SEC11A: variants seen among roughly 807,000 people sequenced by gnomAD.
The protein encoded by SEC11A is SEC11 homolog A, signal peptidase complex subunit, also known as signal peptidase complex catalytic subunit SEC11A.
A neutral mutation model predicts 25.6 loss-of-function variants in SEC11A; 14 were observed. The ratio of observed to expected loss-of-function variants is 0.55; its 90% CI spans 0.36 to 0.85. The LOEUF is 0.85. Ranked by LOEUF, SEC11A falls within the 40% of genes least tolerant of loss-of-function variation. SEC11A has a pLI of 0.01. For synonymous variants in SEC11A, 83 were observed against 76.4 expected (o/e 1.09, Z -0.45); for missense variants, 153 against 222.9 (o/e 0.69, Z 2.00).
intron 1 of SEC11A, among the ~76,000 whole-genome samples, chr15:84,710,906 T>C: frequency 6.6e-6 from 1 of 151,490 alleles, no homozygotes. Flanking sequence ...ACCCCGTCTC[T>C]ACTAAAAATA....
chr15:84,692,607 G>A (rs991202241), intron 1 of SEC11A, among the ~76,000 whole-genome samples: 17 of 151,928 alleles, frequency 1.1e-4, no homozygotes, highest in Non-Finnish European at 2.4e-4. Flanking sequence ...CAGAACACGT[G>A]GAAAAAGGCA....
chr15:84,715,348 A>C (rs1213163077), intron 1 of SEC11A, among the ~76,000 whole-genome samples: 1 of 152,222 alleles, frequency 6.6e-6, no homozygotes, highest in Non-Finnish European at 1.5e-5. Flanking sequence ...TACGATCTAG[A>C]AGATCAAAGT....
chr15:84,715,266 G>A (rs1898423571), intron 1 of SEC11A, among the ~76,000 whole-genome samples: 1 of 152,104 alleles, frequency 6.6e-6, no homozygotes, highest in Admixed American at 6.5e-5. Context: ...CACACTAGGC[G>A]CAAAAGATAA....
intron 1 of SEC11A, among the ~76,000 whole-genome samples, chr15:84,693,268 G>A (rs1401099411): frequency 4.6e-5 from 7 of 151,624 alleles, no homozygotes; most frequent in Non-Finnish European, 8.8e-5. Flanking sequence ...CAAATGTAAC[G>A]CACAAACTTT....
intron 3 of SEC11A, among the ~76,000 whole-genome samples, chr15:84,684,026 A>G (rs762334039): frequency 2.0e-5 from 3 of 152,198 alleles, no homozygotes; most frequent in Non-Finnish European, 4.4e-5. Flanking sequence ...GGAAATAACC[A>G]CTTTACAGAT....
intron 3 of SEC11A, among the ~76,000 whole-genome samples, chr15:84,683,869 G>A (rs909770349): frequency 1.3e-5 from 2 of 152,118 alleles, no homozygotes; most frequent in African/African-American, 4.8e-5. Flanking sequence ...ACAAGTCATA[G>A]GCTCAAAATA....
chr15:84,688,095 T>C (rs1298073458), intron 2 of SEC11A, among the ~76,000 whole-genome samples: 4 of 152,190 alleles, frequency 2.6e-5, no homozygotes, highest in African/African-American at 4.8e-5. Context: ...AAACAGAATA[T>C]AAAAGAATGA....
intron 1 of SEC11A, among the ~76,000 whole-genome samples, chr15:84,698,476 C>T (rs1897829501): frequency 6.6e-6 from 1 of 152,136 alleles, no homozygotes; most frequent in Non-Finnish European, 1.5e-5. Flanking sequence ...AGAAGGTATA[C>T]TGATAGCAGC....
chr15:84,679,542 G>A (rs1192828809), intron 4 of SEC11A, among the ~76,000 whole-genome samples: 1 of 152,172 alleles, frequency 6.6e-6, no homozygotes, highest in South Asian at 2.1e-4. Flanking sequence ...TAATAACTCT[G>A]TATCCATACA....
intron 4 of SEC11A, chr15:84,679,207 G>A (rs746574551): frequency 2.3e-5 from 24 of 1,047,680 alleles, no homozygotes; most frequent in Non-Finnish European, 3.1e-5. Flanking sequence ...CAAAGAGATT[G>A]GAGAGTTTAA....
chr15:84,679,297 A>T, intron 4 of SEC11A: 13 of 1,226,956 alleles, frequency 1.1e-5, no homozygotes, highest in Non-Finnish European at 1.4e-5. Context: ...CCTAATTTGG[A>T]TTATAAAAGT....
chr15:84,683,606 G>A (rs1897335299), intron 3 of SEC11A, among the ~76,000 whole-genome samples: 1 of 151,832 alleles, frequency 6.6e-6, no homozygotes, highest in Non-Finnish European at 1.5e-5. Context: ...ACCCAGGCTG[G>A]AGTGCAATGA....
chr15:84,697,096 TA>T (rs895547535), intron 1 of SEC11A, among the ~76,000 whole-genome samples: 137 of 145,980 alleles, frequency 9.4e-4, no homozygotes, highest in Middle Eastern at 3.5e-3. Flanking sequence ...CCCTGTCTCT[TA>T]AAAAAAAAAA....
At chr15:84,672,359 C>A (rs1032578203) in intron 4 of SEC11A, 35 of 157,322 alleles carry the variant, frequency 2.2e-4, no homozygotes, top group Non-Finnish European at 4.3e-4. Context: ...CTCACTGCAA[C>A]CTCCCTGCCT....
At chr15:84,709,120 T>G (rs1898185617) in intron 1 of SEC11A, among the ~76,000 whole-genome samples, 1 of 152,050 alleles carries the variant, frequency 6.6e-6, no homozygotes, top group African/African-American at 2.4e-5. Context: ...AAGTCAATTC[T>G]AAAAATTACA....
chr15:84,673,762 AGC>A (rs1897062773), intron 4 of SEC11A: 2 of 152,138 alleles, frequency 1.3e-5, no homozygotes, highest in South Asian at 4.2e-4. Flanking sequence ...TATAAAAATT[AGC>A]TGGGCATGGT....
chr15:84,699,186 G>A (rs1227786811), intron 1 of SEC11A, among the ~76,000 whole-genome samples: 7 of 151,844 alleles, frequency 4.6e-5, no homozygotes, highest in South Asian at 4.2e-4. Context: ...GTGGTGGCAC[G>A]TGCCTGTGGT....
chr15:84,686,035 C>G (rs991217654), intron 3 of SEC11A: 19 of 152,046 alleles, frequency 1.2e-4, no homozygotes, highest in African/African-American at 3.9e-4. Context: ...CTCCTGAGCT[C>G]AGGTGATCTG....
At position 84,685,059 on chromosome 15, in the gene SEC11A, G is replaced by A. The variant is rs182120326; in HGVS notation, c.311+2566C>T. On this transcript the variant is annotated intron_variant, in intron 3 of 5. Transcript: ENST00000268220. ...CAGGGTCTGTTATCTACACAGGCCT[G>A]CAAGTTGAAGGTATCTCAAGAGTCT... Among the ~76,000 whole-genome samples the A allele has an allele frequency of 8.5e-5, 13 of 152,286 alleles. No individual in the cohort carries two copies. In the East Asian group the frequency reaches 2.5e-3, roughly 29 times the overall value.
Sources: gnomAD v4.1 joint callset for allele counts (sites outside exome capture counted in the v4.1 genomes callset) on GRCh38, gnomAD v4.1.1 for gene constraint, MANE v1.5 for transcripts, NCBI Gene and HGNC (gene_info 2026-07-23, HGNC 2026-07-21) for gene names.